The following SNTG1 variants were observed in gnomAD, a reference collection of about 807,000 sequenced individuals.
SNTG1 encodes the protein gamma-1-syntrophin.
Under a neutral mutation model 74.7 loss-of-function variants are expected in SNTG1, and 39 were observed. The ratio of observed to expected loss-of-function variants is 0.52; its 90% CI spans 0.40 to 0.68. The LOEUF is 0.68. Ranked by LOEUF, SNTG1 falls within the 30% of genes least tolerant of loss-of-function variation. The probability of loss-of-function intolerance (pLI) is 0.00; values close to 1 mark genes in which losing one functional copy is unlikely to be tolerated. For missense variants in SNTG1, 685 were observed against 609.5 expected (o/e 1.12, Z -1.30); for synonymous variants, 254 against 217.1 (o/e 1.17, Z -1.49).
intron 2 of SNTG1, among the ~76,000 whole-genome samples, chr8:50,234,651 A>T (rs143768798): frequency 7.9e-5 from 12 of 152,210 alleles, no homozygotes; most frequent in African/African-American, 2.9e-4. Context: ...AATGTATAAA[A>T]AGTCAAAATA....
intron 9 of SNTG1, among the ~76,000 whole-genome samples, chr8:50,528,147 G>A (rs1455128923): frequency 6.6e-6 from 1 of 151,776 alleles, no homozygotes; most frequent in Non-Finnish European, 1.5e-5. Context: ...CTTTCCCGTT[G>A]CAGTGGCTAA....
Position 50,080,944 on chromosome 8 carries a change from A to G in SNTG1, c.-102-91617A>G, listed in dbSNP as rs1423018612. ...AATAAAATATATCAATTTTGCTCCA[A>G]CTTATTTTCTTTTCTTCCTACCTCT... is the stretch of plus-strand genomic sequence containing the variant. On this transcript the variant is annotated intron_variant, in intron 1 of 18. Coordinates refer to ENST00000642720, the MANE Select transcript of SNTG1 (RefSeq NM_018967.5). 2.6e-5 allele frequency among the ~76,000 whole-genome samples: 4 copies of G among 152,234 alleles called. No individual in the cohort carries two copies. In the East Asian group the frequency reaches 7.7e-4, roughly 29 times the overall value.
intron 9 of SNTG1, among the ~76,000 whole-genome samples, chr8:50,523,814 C>G (rs1353475162): frequency 1.3e-5 from 2 of 152,140 alleles, no homozygotes. Flanking sequence ...CTGCTGGATG[C>G]ATGGTTGACA....
intron 1 of SNTG1, among the ~76,000 whole-genome samples, chr8:49,990,598 G>T (rs562150148): frequency 2.0e-4 from 30 of 152,076 alleles, no homozygotes; most frequent in East Asian, 1.9e-4. Context: ...TGTAATATTG[G>T]CGTAATGATA....
At chr8:50,722,749 G>A (rs10958060) in intron 17 of SNTG1, among the ~76,000 whole-genome samples, 1 of 151,922 alleles carries the variant, frequency 6.6e-6, no homozygotes, top group South Asian at 2.1e-4. Context: ...GCTGGGATTT[G>A]TTGTGTTGTT....
chr8:50,001,283 T>C (rs1814713207), intron 1 of SNTG1, among the ~76,000 whole-genome samples: 1 of 152,034 alleles, frequency 6.6e-6, no homozygotes, highest in African/African-American at 2.4e-5. Flanking sequence ...CCACAGAGAC[T>C]GAGAGATGAG....
chr8:50,578,221 ATTCT>A (rs1281201995), intron 12 of SNTG1, among the ~76,000 whole-genome samples: 1 of 152,232 alleles, frequency 6.6e-6, no homozygotes, highest in African/African-American at 2.4e-5. Flanking sequence ...GTCACCAGAC[ATTCT>A]TTCTGAGTCC....
chr8:50,115,575 A>AAAAAAAAAAAAAAAAAAAAAAAAC (rs1563617637), intron 1 of SNTG1, among the ~76,000 whole-genome samples: 1 of 144,870 alleles, frequency 6.9e-6, no homozygotes, highest in East Asian at 2.2e-4. Flanking sequence ...CTCAAAAAAA[A>AAAAAAAAAAAAAAAAAAAAAAAAC]AAAAAAAAAA....
chr8:50,423,428 T>C (rs1182539649), intron 4 of SNTG1, among the ~76,000 whole-genome samples: 3 of 152,252 alleles, frequency 2.0e-5, no homozygotes, highest in Non-Finnish European at 4.4e-5. Flanking sequence ...CTTTTTATAA[T>C]TTAATTATCC....
chr8:50,511,075 A>G (rs1340122756), intron 9 of SNTG1, among the ~76,000 whole-genome samples: 1 of 152,214 alleles, frequency 6.6e-6, no homozygotes, highest in Admixed American at 6.5e-5. Context: ...TTCCCTCTAC[A>G]CACAGCTTTG....
chr8:50,070,440 A>G (rs551603073), intron 1 of SNTG1, among the ~76,000 whole-genome samples: 2 of 152,326 alleles, frequency 1.3e-5, no homozygotes, highest in South Asian at 4.1e-4. Flanking sequence ...AACAGATGCA[A>G]TCATAAATTC....
At chr8:49,961,962 C>G (rs318894) in intron 1 of SNTG1, among the ~76,000 whole-genome samples, 133,283 of 152,252 alleles carry the variant, frequency 0.88, 58,510 homozygotes, top group East Asian at 1. Flanking sequence ...AATTGACTTT[C>G]AGGGAGTTTG....
chr8:50,633,601 C>T (rs1220887165), intron 13 of SNTG1, among the ~76,000 whole-genome samples: 3 of 152,160 alleles, frequency 2.0e-5, no homozygotes, highest in African/African-American at 7.2e-5. Context: ...TACCTTGACC[C>T]CAGCTTCCTT....
chr8:50,629,561 T>G (rs1336297736), intron 13 of SNTG1, among the ~76,000 whole-genome samples: 2 of 151,964 alleles, frequency 1.3e-5, no homozygotes, highest in African/African-American at 4.8e-5. Flanking sequence ...TTGCTAATCT[T>G]GTATGCTTCT....
At chr8:49,912,574 T>C (rs1805671686) in intron 1 of SNTG1, among the ~76,000 whole-genome samples, 1 of 152,234 alleles carries the variant, frequency 6.6e-6, no homozygotes, top group Non-Finnish European at 1.5e-5. Context: ...AGTGATCCTG[T>C]CTGTGTTACA....
intron 1 of SNTG1, among the ~76,000 whole-genome samples, chr8:50,102,315 A>G (rs1586276823): frequency 2.0e-5 from 3 of 151,884 alleles, no homozygotes; most frequent in Admixed American, 6.6e-5. Context: ...GCCAGTGATG[A>G]TGAGCATTTT....
chr8:50,656,004 G>A (rs775124022), intron 13 of SNTG1, among the ~76,000 whole-genome samples: 3 of 151,918 alleles, frequency 2.0e-5, no homozygotes, highest in Non-Finnish European at 4.4e-5. Flanking sequence ...CTCTACTTGC[G>A]ACACATTCAT....
At chr8:50,111,369 C>A (rs2080581223) in intron 1 of SNTG1, among the ~76,000 whole-genome samples, 1 of 152,022 alleles carries the variant, frequency 6.6e-6, no homozygotes, top group African/African-American at 2.4e-5. Flanking sequence ...GAATAGTGTC[C>A]TTATACGAAG....
At chr8:50,619,498 G>A (rs1281727287) in intron 13 of SNTG1, among the ~76,000 whole-genome samples, 3 of 152,106 alleles carry the variant, frequency 2.0e-5, no homozygotes, top group Admixed American at 2.0e-4. Flanking sequence ...TTGGGAGGCC[G>A]AGGCGGGCAG....
Sources: gnomAD v4.1 joint callset for allele counts (sites outside exome capture counted in the v4.1 genomes callset) on GRCh38, gnomAD v4.1.1 for gene constraint, MANE v1.5 for transcripts, NCBI Gene and HGNC (gene_info 2026-07-23, HGNC 2026-07-21) for gene names.